Variants in SNX29 observed in about 807,000 individuals in gnomAD.
SNX29 encodes the protein sorting nexin-29.
Under a neutral mutation model 102.1 loss-of-function variants are expected in SNX29, and 78 were observed. The ratio of observed to expected loss-of-function variants is 0.76; its 90% confidence interval spans 0.64 to 0.92. SNX29 has a LOEUF of 0.92. Among genes scored for constraint, SNX29 ranks in the 40% least tolerant of loss-of-function variants. SNX29 has a pLI of 0.00. For synonymous variants in SNX29, 580 were observed against 414.5 expected, an observed-to-expected ratio of 1.40 and a Z score of -4.85; for missense variants, 1,280 against 1,061.7, an observed-to-expected ratio of 1.21 and a Z score of -2.86.
At chr16:12,521,080 T>C (rs190986495) in intron 19 of SNX29, among the ~76,000 whole-genome samples, 1 of 152,176 alleles carries the variant, frequency 6.6e-6, no homozygotes, top group Admixed American at 6.5e-5. Context: ...CTTGGGAGGC[T>C]GAGGTAGGAG....
intron 14 of SNX29, among the ~76,000 whole-genome samples, chr16:12,229,447 G>A (rs1479672059): frequency 6.6e-6 from 1 of 152,196 alleles, no homozygotes; most frequent in African/African-American, 2.4e-5. Context: ...TCATCTCCCT[G>A]ATGTCAAATG....
chr16:12,052,319 C>T, intron 8 of SNX29, 97 bp downstream of exon 8: 1 of 1,391,098 alleles, frequency 7.2e-7, no homozygotes, highest in Non-Finnish European at 1.0e-6. Context: ...CGGGTTCAAG[C>T]TATTCTCCTG....
intron 15 of SNX29, among the ~76,000 whole-genome samples, chr16:12,294,929 CA>C (rs1314011941): frequency 3.3e-5 from 5 of 152,116 alleles, no homozygotes; most frequent in Non-Finnish European, 7.3e-5. Context: ...CACAGTTTTA[CA>C]TGGCTGGGGA....
intron 20 of SNX29, among the ~76,000 whole-genome samples, chr16:12,564,033 C>T (rs964856064): frequency 6.7e-6 from 1 of 148,960 alleles, no homozygotes; most frequent in African/African-American, 2.4e-5. Flanking sequence ...TGAGGAGTTG[C>T]ACCGGTAAAA....
At chr16:12,302,997 G>C (rs2151104334) in intron 15 of SNX29, among the ~76,000 whole-genome samples, 1 of 152,294 alleles carries the variant, frequency 6.6e-6, no homozygotes, top group Non-Finnish European at 1.5e-5. Flanking sequence ...CCTGCCCAAA[G>C]GTCATGTGAT....
At chr16:12,538,708 A>C (rs902340481) in intron 20 of SNX29, among the ~76,000 whole-genome samples, 1 of 152,152 alleles carries the variant, frequency 6.6e-6, no homozygotes, top group South Asian at 2.1e-4. Flanking sequence ...GAGCCTGGGC[A>C]TGTACATCAG....
intron 19 of SNX29, among the ~76,000 whole-genome samples, chr16:12,523,474 C>T (rs1007882383): frequency 3.3e-5 from 5 of 152,234 alleles, no homozygotes; most frequent in African/African-American, 1.2e-4. Flanking sequence ...GGCCCCGATG[C>T]TCACTGCCCA....
At chr16:12,311,164 C>T (rs1309914566) in intron 15 of SNX29, among the ~76,000 whole-genome samples, 1 of 152,228 alleles carries the variant, frequency 6.6e-6, no homozygotes, top group Admixed American at 6.5e-5. Flanking sequence ...ATTTGAAACC[C>T]TGTTGGGAAC....
intron 16 of SNX29, chr16:12,367,122 A>G (rs1011547666): frequency 9.9e-5 from 15 of 152,140 alleles, no homozygotes; most frequent in African/African-American, 3.6e-4. Context: ...CATATGGCTG[A>G]CCCCTGATGA....
chr16:12,420,774 G>T (rs548299106), intron 18 of SNX29, among the ~76,000 whole-genome samples: 2 of 152,308 alleles, frequency 1.3e-5, no homozygotes, highest in South Asian at 4.1e-4. Flanking sequence ...TCAGGGAAAT[G>T]ATGGACGCAT....
At chr16:12,206,834 T>TTTTTA (rs1555487717) in intron 14 of SNX29, among the ~76,000 whole-genome samples, 1 of 150,724 alleles carries the variant, frequency 6.6e-6, no homozygotes, top group South Asian at 2.1e-4. Context: ...TTTTTTTTTT[T>TTTTTA]AAAGCTTCCC....
At chr16:12,356,886 C>G (rs1413132213) in intron 16 of SNX29, among the ~76,000 whole-genome samples, 1 of 152,222 alleles carries the variant, frequency 6.6e-6, no homozygotes, top group Admixed American at 6.5e-5. Context: ...ACAAATGTCT[C>G]CAGATATCGC....
At chr16:12,343,697 T>C (rs1258707720) in intron 15 of SNX29, among the ~76,000 whole-genome samples, 1 of 150,786 alleles carries the variant, frequency 6.6e-6, no homozygotes, top group East Asian at 1.9e-4. Flanking sequence ...CCCCACGAGA[T>C]AGGGAGCTCT....
At chr16:12,075,550 G>T (rs536736270) in intron 10 of SNX29, among the ~76,000 whole-genome samples, 1 of 152,174 alleles carries the variant, frequency 6.6e-6, no homozygotes, top group Admixed American at 6.5e-5. Context: ...GTACCCAGCC[G>T]TGTGAGGTGT....
intron 15 of SNX29, among the ~76,000 whole-genome samples, chr16:12,319,700 C>T (rs887969113): frequency 6.6e-6 from 1 of 152,044 alleles, no homozygotes; most frequent in Non-Finnish European, 1.5e-5. Context: ...AAGATTGTCT[C>T]GGCCATAGCT....
chr16:12,208,666 C>T (rs566163269), intron 14 of SNX29, among the ~76,000 whole-genome samples: 6 of 151,954 alleles, frequency 3.9e-5, no homozygotes, highest in African/African-American at 7.2e-5. Flanking sequence ...AGCAAGAGGT[C>T]GTCTCTGCAA....
intron 18 of SNX29, among the ~76,000 whole-genome samples, chr16:12,436,198 C>T (rs2085531378): frequency 6.6e-6 from 1 of 152,018 alleles, no homozygotes; most frequent in African/African-American, 2.4e-5. Flanking sequence ...TGCTGCAGCC[C>T]CCGGAACAGT....
chr16:12,078,788 C>G lies in SNX29; in HGVS notation c.1320-45C>G, dbSNP rs1032421094. ...GTTTTTGGAATGGTGAGGGTGTGTA[C>G]TTTCAGTGGCCGAGTGTAACTTCCT... On this transcript the variant is annotated intron_variant, in intron 10 of 20. Coordinates refer to ENST00000566228, the MANE Select transcript of SNX29 (RefSeq NM_032167.5). 6 of 1,530,420 alleles carry G rather than the reference C, an allele frequency of 3.9e-6. No homozygotes were observed. In the South Asian group the frequency reaches 7.1e-5, roughly 18 times the overall value. 94.8% of individuals were successfully genotyped at this position (1,530,420 alleles called of 1,614,324 possible). A position where few individuals can be genotyped will look rare whatever the true frequency, so the allele number is the denominator to read the frequency against.
intron 13 of SNX29, among the ~76,000 whole-genome samples, chr16:12,182,543 C>T (rs752678552): frequency 1.3e-5 from 2 of 152,170 alleles, no homozygotes; most frequent in Non-Finnish European, 2.9e-5. Context: ...ATTCCTTCAG[C>T]ACTCAGGGTA....
Sources: allele counts gnomAD v4.1 joint callset (sites outside exome capture counted in the v4.1 genomes callset), GRCh38; gene constraint gnomAD v4.1.1; transcripts MANE v1.5; gene names NCBI Gene and HGNC (gene_info 2026-07-23, HGNC 2026-07-21).